SLCO1B1: variants seen among roughly 807,000 people sequenced by gnomAD.
SLCO1B1 encodes the protein solute carrier organic anion transporter family member 1B1.
SLCO1B1 carries 81 observed loss-of-function variants against 70.1 expected under a neutral mutation model. The observed-to-expected ratio is 1.16, with a 90% CI of 0.97 to 1.39. The LOEUF (loss-of-function observed/expected upper bound fraction) is 1.39. SLCO1B1 is among the 40% of genes most tolerant of loss of function. The probability of loss-of-function intolerance (pLI) is 0.00; values close to 1 mark genes in which losing one functional copy is unlikely to be tolerated. For missense variants in SLCO1B1, 895 were observed against 799.6 expected, an observed-to-expected ratio of 1.12 and a Z score of -1.44; for synonymous variants, 283 against 271.5, an observed-to-expected ratio of 1.04 and a Z score of -0.42.
intron 12 of SLCO1B1, 86 bp from the exon 13 acceptor site, chr12:21,222,213 GA>G: frequency 1.1e-5 from 6 of 540,196 alleles, no homozygotes; most frequent in Middle Eastern, 3.1e-4. Flanking sequence ...CTATCATGGA[GA>G]AAAACAACAC....
At chr12:21,185,051 G>T (rs75922682) in intron 7 of SLCO1B1, among the ~76,000 whole-genome samples, 2 of 152,086 alleles carry the variant, frequency 1.3e-5, no homozygotes, top group Admixed American at 6.5e-5. Context: ...TCCATTAAAC[G>T]AGAAGACTTA....
chr12:21,200,613 T>C lies in SLCO1B1; in HGVS notation c.1076T>C (p.Val359Ala), dbSNP rs147750118. ...AGCTATATTGGTGCTTTTACTTATG[T>C]CTTCAAATACGTAGAGCAACAGTAT... ...VSSYIGAFTY[V>A]FKYVEQQYGQ... Residue 359 changes from valine (V) to alanine (A), a missense_variant, in exon 9 of 15, where the codon GTC (valine) becomes GCC (alanine). Physicochemically the swap from Val to Ala is moderately conservative, Grantham distance 64. Coordinates refer to ENST00000256958, the MANE Select transcript of SLCO1B1 (RefSeq NM_006446.5). 7 of 1,612,286 alleles carry C rather than the reference T, an allele frequency of 4.3e-6. No individual in the cohort carries two copies. In the African/African-American group the frequency reaches 6.7e-5, roughly 15 times the overall value.
At chr12:21,228,020 A>G (rs564329814) in intron 14 of SLCO1B1, among the ~76,000 whole-genome samples, 30 of 152,176 alleles carry the variant, frequency 2.0e-4, no homozygotes, top group Middle Eastern at 3.4e-3. Flanking sequence ...ATATGCATAT[A>G]TATGCATATA....
intron 2 of SLCO1B1, among the ~76,000 whole-genome samples, chr12:21,146,070 T>G (rs530166813): frequency 1.3e-5 from 2 of 152,244 alleles, no homozygotes; most frequent in East Asian, 1.9e-4. Context: ...AGTGAAACCA[T>G]GTAGGCCTGT....
In SLCO1B1 at chr12:21,165,352, A is replaced by C. The variant is rs570631758; in HGVS notation, c.85-7298A>C. On this transcript the variant is annotated intron_variant, in intron 2 of 14. Transcript: ENST00000256958. Reference sequence around the variant, plus strand: ...AAACTGAGGATGAAAATAGACATTTATCAAGGTTATTATGTAGCTAGCACT... The same window carrying C: ...AAACTGAGGATGAAAATAGACATTTCTCAAGGTTATTATGTAGCTAGCACT... 7.2e-5 allele frequency among the ~76,000 whole-genome samples: 11 copies of C among 152,210 alleles called. No individual in the cohort carries two copies. The South Asian group carries it at 8.3e-4, about 11-fold the overall frequency.
At chr12:21,214,974 A>G (rs1201503724) in intron 11 of SLCO1B1, among the ~76,000 whole-genome samples, 2 of 151,946 alleles carry the variant, frequency 1.3e-5, no homozygotes, top group African/African-American at 4.8e-5. Flanking sequence ...GGCACTCCCT[A>G]GTGAGATGAA....
chr12:21,151,754 T>G (rs968802012), intron 2 of SLCO1B1, among the ~76,000 whole-genome samples: 2 of 152,158 alleles, frequency 1.3e-5, no homozygotes, highest in African/African-American at 4.8e-5. Flanking sequence ...TCCTTCATGT[T>G]AGATGGATAA....
intron 10 of SLCO1B1, among the ~76,000 whole-genome samples, chr12:21,205,352 T>A (rs1482014218): frequency 6.6e-6 from 1 of 151,912 alleles, no homozygotes; most frequent in East Asian, 1.9e-4. Context: ...TATTCTTGAT[T>A]TTTCATTTTG....
At chr12:21,229,540 T>A (rs1479673665) in intron 14 of SLCO1B1, among the ~76,000 whole-genome samples, 1 of 152,184 alleles carries the variant, frequency 6.6e-6, no homozygotes, top group African/African-American at 2.4e-5. Context: ...TCCAGGTGTT[T>A]CAATTGCTTG....
chr12:21,217,531 A>T (rs908850278), intron 12 of SLCO1B1, among the ~76,000 whole-genome samples: 3 of 152,144 alleles, frequency 2.0e-5, no homozygotes, highest in Admixed American at 1.3e-4. Context: ...TTCTTCTCTT[A>T]CTAAGAATCT....
In SLCO1B1 at chr12:21,147,122, A is replaced by C. The variant is rs555959881; in HGVS notation, c.84+5464A>C. The stretch of plus-strand genomic sequence containing the variant: ...TGTTGTTTGGTGCCTCTATGTTAAG[A>C]AGTGTTATGTTTTCTTAAGAATTGA... On this transcript the variant is annotated intron_variant, in intron 2 of 14. Transcript: ENST00000256958. 4.1e-4 allele frequency among the ~76,000 whole-genome samples: 62 copies of C among 150,966 alleles called. 1 individual carries two copies. The highest frequency in any genetic ancestry group is 3.1e-3 in the South Asian group (15 of 4,788).
chr12:21,194,087 G>T (rs12367888), intron 7 of SLCO1B1, among the ~76,000 whole-genome samples: 26,152 of 151,786 alleles, frequency 0.17, 2,552 homozygotes, highest in East Asian at 0.44. Flanking sequence ...CACCGTGCCC[G>T]GCCAAGTCAT....
chr12:21,174,723 A>T lies in SLCO1B1; in HGVS notation c.359+14A>T. ...CTTCATGGGATAGTAAGTGTTAAAA[A>T]AAAAAAAAACCTCTGTGCCACTATC... On this transcript the variant is annotated intron_variant, in intron 4 of 14. Coordinates refer to ENST00000256958, the MANE Select transcript of SLCO1B1 (RefSeq NM_006446.5). The T allele has an allele frequency of 6.2e-7, 1 of 1,608,846 alleles. No individual in the cohort carries two copies. Among genetic ancestry groups the T allele is most frequent in the Non-Finnish European group, 8.5e-7 (1 of 1,178,800 alleles).
chr12:21,170,019 T>G (rs1407096297), intron 2 of SLCO1B1, among the ~76,000 whole-genome samples: 1 of 152,158 alleles, frequency 6.6e-6, no homozygotes, highest in Non-Finnish European at 1.5e-5. Context: ...GACCCTCCCC[T>G]GGGGCTTGAG....
chr12:21,209,051 A>T (rs1164912223), intron 11 of SLCO1B1, among the ~76,000 whole-genome samples: 1 of 150,732 alleles, frequency 6.6e-6, no homozygotes, highest in East Asian at 1.9e-4. Context: ...TTTTTTAATT[A>T]ATTAATTTAT....
chr12:21,219,589 A>T (rs1185415928), intron 12 of SLCO1B1, among the ~76,000 whole-genome samples: 2 of 152,218 alleles, frequency 1.3e-5, no homozygotes, highest in African/African-American at 4.8e-5. Context: ...GGCTGTGGGT[A>T]GAAAGTGTGT....
chr12:21,200,393 T>C (rs949564918), intron 8 of SLCO1B1, 115 bp from the exon 9 acceptor site: 48 of 590,982 alleles, frequency 8.1e-5, no homozygotes, highest in Non-Finnish European at 1.2e-4. Flanking sequence ...TCTCACTCTT[T>C]GTGTTATGTG....
intron 14 of SLCO1B1, among the ~76,000 whole-genome samples, chr12:21,226,384 G>A (rs1200199867): frequency 2.6e-5 from 4 of 151,500 alleles, no homozygotes; most frequent in Non-Finnish European, 5.9e-5. Context: ...ACTGCTCTCC[G>A]GCCTGGCTGA....
intron 14 of SLCO1B1, among the ~76,000 whole-genome samples, chr12:21,228,452 T>G: frequency 6.6e-6 from 1 of 152,220 alleles, no homozygotes. Context: ...CTCACTCCTC[T>G]GTGGATTCTT....
Sources: gnomAD v4.1 joint callset for allele counts (sites outside exome capture counted in the v4.1 genomes callset) on GRCh38, gnomAD v4.1.1 for gene constraint, MANE v1.5 for transcripts, NCBI Gene and HGNC (gene_info 2026-07-23, HGNC 2026-07-21) for gene names.